The following CHN2 variants were observed in gnomAD, a reference collection of about 807,000 sequenced individuals.
CHN2 encodes the protein beta-chimaerin.
CHN2 carries 35 observed loss-of-function variants against 56.3 expected under a neutral mutation model. The ratio of observed to expected loss-of-function variants is 0.62; its 90% CI spans 0.47 to 0.82. CHN2 has a LOEUF of 0.82. CHN2 is among the 40% of genes least tolerant of loss of function. CHN2 has a pLI of 0.00. For synonymous variants in CHN2, 210 were observed against 212.8 expected (o/e 0.99, Z 0.12); for missense variants, 491 against 580.5 (o/e 0.85, Z 1.58).
intron 6 of CHN2, among the ~76,000 whole-genome samples, chr7:29,440,954 T>C (rs1376691816): frequency 1.3e-5 from 2 of 152,196 alleles, no homozygotes; most frequent in Non-Finnish European, 2.9e-5. Context: ...TATATATTTA[T>C]GAGGTACAAA....
At position 29,211,195 on chromosome 7, in the gene CHN2, T is replaced by C. The variant is rs1037383143; in HGVS notation, c.49+16205T>C. Among the ~76,000 whole-genome samples the C allele has an allele frequency of 5.1e-4, 78 of 151,544 alleles. 1 individual carries two copies. The highest frequency in any genetic ancestry group is 9.6e-4 in the Non-Finnish European group (65 of 67,862). On this transcript the variant is annotated intron_variant, in intron 1 of 12. Coordinates refer to ENST00000222792, the MANE Select transcript of CHN2 (RefSeq NM_004067.4). ...ACGCCATTCTCCTGCCTCAGCCTCC[T>C]GAGGAGCTGGGACTAAAGGCGCCTG...
chr7:29,263,500 T>C (rs1330688261), intron 1 of CHN2, among the ~76,000 whole-genome samples: 2 of 150,664 alleles, frequency 1.3e-5, no homozygotes, highest in Non-Finnish European at 3.0e-5. Context: ...TCGTCTGGGA[T>C]GTGAGGAGCC....
intron 1 of CHN2, among the ~76,000 whole-genome samples, chr7:29,307,402 T>C (rs1327380555): frequency 6.6e-6 from 1 of 152,208 alleles, no homozygotes; most frequent in Non-Finnish European, 1.5e-5. Flanking sequence ...TTACAAGTAA[T>C]GGTATTCCTA....
At chr7:29,401,678 G>A (rs1335147552) in intron 6 of CHN2, among the ~76,000 whole-genome samples, 1 of 152,202 alleles carries the variant, frequency 6.6e-6, no homozygotes, top group African/African-American at 2.4e-5. Context: ...AGAAAGACAA[G>A]CTGTCCTTTG....
At chr7:29,161,292 T>C (rs1043158425) in intron 2 of CHN2, among the ~76,000 whole-genome samples, 8 of 152,272 alleles carry the variant, frequency 5.3e-5, no homozygotes, top group African/African-American at 1.9e-4. Context: ...TTGAACCCCG[T>C]TACCAAGTGA....
At chr7:29,212,919 C>T in intron 1 of CHN2, 1 of 1,610,620 alleles carries the variant, frequency 6.2e-7, no homozygotes, top group African/African-American at 1.3e-5. Context: ...CATCCTGGAG[C>T]AACCAGACCC....
At chr7:29,396,178 C>T (rs897134912) in intron 4 of CHN2, among the ~76,000 whole-genome samples, 1 of 152,056 alleles carries the variant, frequency 6.6e-6, no homozygotes, top group Non-Finnish European at 1.5e-5. Flanking sequence ...CACAGTGGCT[C>T]ACACCTGTAA....
At chr7:29,479,577 T>A in intron 6 of CHN2, 5 of 773,308 alleles carry the variant, frequency 6.5e-6, no homozygotes, top group Non-Finnish European at 7.9e-6. Flanking sequence ...TTTACCCCTA[T>A]AAGATTAAAC....
intron 1 of CHN2, among the ~76,000 whole-genome samples, chr7:29,329,947 A>T (rs1206841743): frequency 6.6e-6 from 1 of 152,174 alleles, no homozygotes; most frequent in Non-Finnish European, 1.5e-5. Context: ...TGGACTATTC[A>T]TATCTCACCT....
intron 1 of CHN2, among the ~76,000 whole-genome samples, chr7:29,233,380 C>T (rs1198626105): frequency 2.0e-5 from 3 of 152,200 alleles, no homozygotes; most frequent in African/African-American, 7.2e-5. Flanking sequence ...AGTTTATCCT[C>T]AAAATCTCTT....
rs530102750 is a variant in CHN2, at chr7:29,400,793, A to G, written c.541A>G (p.Asn181Asp). 11 of 1,614,054 alleles carry G rather than the reference A, an allele frequency of 6.8e-6. No homozygotes were observed. The highest frequency in any genetic ancestry group is 9.3e-6 in the Non-Finnish European group (11 of 1,180,006). The part of the protein sequence containing the change: ...SRSKNEPRKT[N>D]VTHEEHTAVE... ...GTCTAAAAATGAACCAAGAAAAACA[A>G]ACGTCACACATGAAGAACACACAGC... Residue 181 changes from asparagine (N) to aspartate (D), a missense_variant, in exon 6 of 13, where the codon AAC (asparagine) becomes GAC (aspartate). Asn to Asp is a conservative substitution (Grantham distance 23). Transcript: ENST00000222792.
At chr7:29,411,013 C>T (rs1803152597) in intron 6 of CHN2, among the ~76,000 whole-genome samples, 1 of 152,078 alleles carries the variant, frequency 6.6e-6, no homozygotes, top group African/African-American at 2.4e-5. Flanking sequence ...TCTTGCCTTC[C>T]CCACCTTCTT....
At chr7:29,246,932 G>T (rs1788124807) in intron 1 of CHN2, among the ~76,000 whole-genome samples, 1 of 152,188 alleles carries the variant, frequency 6.6e-6, no homozygotes, top group South Asian at 2.1e-4. Context: ...TACCTTGGGG[G>T]TTAGGATTTG....
chr7:29,216,868 T>G (rs1305256634), intron 1 of CHN2, among the ~76,000 whole-genome samples: 2 of 152,360 alleles, frequency 1.3e-5, no homozygotes, highest in East Asian at 1.9e-4. Context: ...GGATTCAGTC[T>G]TAAGCAGTTT....
At chr7:29,480,194 A>ACTG in intron 6 of CHN2, 85 bp from the exon 7 acceptor site, 2 of 1,612,540 alleles carry the variant, frequency 1.2e-6, no homozygotes, top group South Asian at 2.2e-5. Flanking sequence ...AACGCCAAGA[A>ACTG]CTGCTGGCCG....
At chr7:29,430,120 G>A (rs1782730340) in intron 6 of CHN2, among the ~76,000 whole-genome samples, 1 of 152,182 alleles carries the variant, frequency 6.6e-6, no homozygotes. Context: ...AATCTTTGTT[G>A]AGTAACAGAG....
At position 29,512,640 on chromosome 7, in the gene CHN2, C is replaced by A. The variant is rs34971642; in HGVS notation, c.1312C>A (p.Pro438Thr). 2 of 1,613,928 alleles carry A rather than the reference C, an allele frequency of 1.2e-6. No individual in the cohort carries two copies. The highest frequency in any genetic ancestry group is 2.7e-5 in the African/African-American group (2 of 74,896). The change falls in exon 13 of 13, where the codon CCC becomes ACC. Residue 438 changes from proline (P) to threonine (T), a missense_variant. Transcript: ENST00000222792. ...GIVFGPTLMRPPEDSTLTTLH... is the reference protein window; with the variant it reads ...GIVFGPTLMRTPEDSTLTTLH... ...CGTGTTTGGGCCCACTCTGATGAGG[C>A]CCCCTGAGGACAGCACCCTGACCAC...
At chr7:29,471,256 A>T (rs1785999339) in intron 6 of CHN2, among the ~76,000 whole-genome samples, 1 of 152,236 alleles carries the variant, frequency 6.6e-6, no homozygotes, top group Non-Finnish European at 1.5e-5. Context: ...AACAAAACAA[A>T]AAAGCAAATA....
At chr7:29,390,796 G>C (rs1192677475) in intron 3 of CHN2, among the ~76,000 whole-genome samples, 1 of 152,150 alleles carries the variant, frequency 6.6e-6, no homozygotes, top group South Asian at 2.1e-4. Flanking sequence ...ACTGCTGGGG[G>C]CACAGCACGG....
Sources: allele counts gnomAD v4.1 joint callset (sites outside exome capture counted in the v4.1 genomes callset), GRCh38; gene constraint gnomAD v4.1.1; transcripts MANE v1.5; gene names NCBI Gene and HGNC (gene_info 2026-07-23, HGNC 2026-07-21).